The following GRID2 variants were observed in gnomAD, a reference collection of about 807,000 sequenced individuals.
The protein encoded by GRID2 is glutamate receptor ionotropic, delta-2.
GRID2 carries 33 observed loss-of-function variants against 114.8 expected under a neutral mutation model. The observed-to-expected ratio is 0.29, with a 90% CI of 0.22 to 0.38. GRID2 has a LOEUF of 0.38. GRID2 is among the 10% of genes least tolerant of loss of function. GRID2 has a pLI of 1.00. For synonymous variants in GRID2, 505 were observed against 449.9 expected (o/e 1.12, Z -1.55); for missense variants, 1,184 against 1,257.7 (o/e 0.94, Z 0.89).
intron 1 of GRID2, among the ~76,000 whole-genome samples, chr4:92,389,846 A>G (rs905748880): frequency 1.3e-5 from 2 of 152,060 alleles, no homozygotes; most frequent in Non-Finnish European, 2.9e-5. Context: ...TTGCCCCTAT[A>G]TTATTCTAAA....
At chr4:92,772,693 A>C (rs1343228932) in intron 2 of GRID2, among the ~76,000 whole-genome samples, 1 of 152,152 alleles carries the variant, frequency 6.6e-6, no homozygotes, top group African/African-American at 2.4e-5. Flanking sequence ...ATTACTATGT[A>C]GTCAAAGATT....
chr4:93,420,717 A>G lies in GRID2; in HGVS notation c.1348-2054A>G, dbSNP rs59492760. ...AAAAAATATGGAAATTTATTTGTTT[A>G]TTTATTATTTTTACTTATTTATTTA... is the stretch of plus-strand genomic sequence containing the variant. On this transcript the variant is annotated intron_variant, in intron 9 of 15. Transcript: ENST00000282020. Among the ~76,000 whole-genome samples the G allele has an allele frequency of 1.4e-3, 169 of 117,534 alleles. 1 individual carries two copies. Among genetic ancestry groups the G allele is most frequent in the African/African-American group, 5.3e-3 (157 of 29,564 alleles). The allele number at this position is 117,534 out of a possible 152,430, so 77.1% of individuals were successfully genotyped here.
chr4:93,055,002 T>C (rs1433134957), intron 2 of GRID2, among the ~76,000 whole-genome samples: 1 of 151,942 alleles, frequency 6.6e-6, no homozygotes, highest in African/African-American at 2.4e-5. Context: ...GACTATTATC[T>C]AATATTGTGA....
intron 4 of GRID2, among the ~76,000 whole-genome samples, chr4:93,144,224 G>A (rs1289269317): frequency 6.6e-6 from 1 of 152,186 alleles, no homozygotes; most frequent in East Asian, 1.9e-4. Flanking sequence ...TGATGGAGAT[G>A]AAGCTGATGA....
intron 2 of GRID2, among the ~76,000 whole-genome samples, chr4:92,649,471 T>C (rs1013451630): frequency 2.2e-4 from 33 of 151,516 alleles, no homozygotes; most frequent in African/African-American, 6.3e-4. Flanking sequence ...CCCACCCACA[T>C]TGGTGAGGGC....
intron 8 of GRID2, among the ~76,000 whole-genome samples, chr4:93,371,907 C>T (rs555681010): frequency 2.0e-5 from 3 of 151,830 alleles, no homozygotes; most frequent in South Asian, 4.2e-4. Context: ...ACCACCACAC[C>T]CGGCTAATTT....
At chr4:92,802,679 T>C (rs1740233750) in intron 2 of GRID2, among the ~76,000 whole-genome samples, 1 of 151,984 alleles carries the variant, frequency 6.6e-6, no homozygotes, top group African/African-American at 2.4e-5. Flanking sequence ...TGGATCTATT[T>C]GTGGGCTCCC....
intron 14 of GRID2, among the ~76,000 whole-genome samples, chr4:93,713,303 T>G (rs1419251144): frequency 6.6e-6 from 1 of 152,150 alleles, no homozygotes; most frequent in Non-Finnish European, 1.5e-5. Flanking sequence ...GGGCTGTCAG[T>G]TTTTGACATT....
At chr4:92,749,018 G>T (rs1034257815) in intron 2 of GRID2, among the ~76,000 whole-genome samples, 1 of 151,286 alleles carries the variant, frequency 6.6e-6, no homozygotes, top group East Asian at 2.0e-4. Context: ...TTTTGGAGGC[G>T]GAGTCTTGCT....
intron 14 of GRID2, among the ~76,000 whole-genome samples, chr4:93,645,915 A>G (rs1018751856): frequency 5.9e-5 from 9 of 152,172 alleles, no homozygotes; most frequent in African/African-American, 2.2e-4. Context: ...TAGGTGTTCA[A>G]TGAATTTTTG....
At chr4:92,863,108 G>C (rs1408020022) in intron 2 of GRID2, among the ~76,000 whole-genome samples, 1 of 152,046 alleles carries the variant, frequency 6.6e-6, no homozygotes, top group Admixed American at 6.6e-5. Context: ...GCGTTGTGCA[G>C]AACTTTAGAG....
At chr4:93,278,457 G>T (rs1752304229) in intron 8 of GRID2, among the ~76,000 whole-genome samples, 1 of 151,832 alleles carries the variant, frequency 6.6e-6, no homozygotes, top group African/African-American at 2.4e-5. Flanking sequence ...CGGGGTGGAG[G>T]AATGGCTCTT....
At chr4:92,727,258 T>A (rs1337207083) in intron 2 of GRID2, among the ~76,000 whole-genome samples, 6 of 152,042 alleles carry the variant, frequency 3.9e-5, no homozygotes, top group Non-Finnish European at 8.8e-5. Flanking sequence ...TACAAAATGG[T>A]GTTTTAAAGT....
chr4:92,583,092 G>A (rs1226125009), intron 1 of GRID2, among the ~76,000 whole-genome samples: 1 of 151,990 alleles, frequency 6.6e-6, no homozygotes, highest in Non-Finnish European at 1.5e-5. Context: ...AGTGTTTTCA[G>A]AAGATTGCTA....
intron 2 of GRID2, among the ~76,000 whole-genome samples, chr4:92,925,129 C>T (rs886373135): frequency 1.1e-4 from 17 of 151,690 alleles, no homozygotes; most frequent in South Asian, 1.0e-3. Context: ...ACATTATCAG[C>T]AGAAGTCATT....
intron 2 of GRID2, among the ~76,000 whole-genome samples, chr4:92,971,972 T>C (rs1321617443): frequency 2.2e-4 from 34 of 152,170 alleles, no homozygotes; most frequent in Non-Finnish European, 3.4e-4. Context: ...ACATCTTGGC[T>C]ATTGAGAATA....
Position 93,772,168 on chromosome 4 carries a change from G to T in GRID2, c.2694G>T (p.Ser898=), listed in dbSNP as rs759890016. ...GCCCCCATAAACAGTTTTCCACCTCGTCAATTGATTTGACCCCTCTGGACA... is the reference window on the plus strand; with the variant it reads ...GCCCCCATAAACAGTTTTCCACCTCTTCAATTGATTTGACCCCTCTGGACA... ...DDSPHKQFST[S]SIDLTPLDID... Residue 898 remains serine (S), a synonymous_variant, in exon 16 of 16, where the codon TCG becomes TCT. Transcript: ENST00000282020. The T allele has an allele frequency of 2.5e-6, 4 of 1,613,688 alleles. No homozygotes were observed. Among genetic ancestry groups the T allele is most frequent in the Non-Finnish European group, 3.4e-6 (4 of 1,179,706 alleles).
chr4:92,942,116 G>T (rs1395491402), intron 2 of GRID2, among the ~76,000 whole-genome samples: 1 of 152,080 alleles, frequency 6.6e-6, no homozygotes, highest in Non-Finnish European at 1.5e-5. Flanking sequence ...TCAATTCCTG[G>T]ATATCCTTGT....
chr4:93,687,745 A>G (rs1173549981), intron 14 of GRID2, among the ~76,000 whole-genome samples: 1 of 152,076 alleles, frequency 6.6e-6, no homozygotes, highest in African/African-American at 2.4e-5. Context: ...AGAAGAGAAA[A>G]TGGAACTAAT....
Sources: gnomAD v4.1 joint callset for allele counts (sites outside exome capture counted in the v4.1 genomes callset) on GRCh38, gnomAD v4.1.1 for gene constraint, MANE v1.5 for transcripts, NCBI Gene and HGNC (gene_info 2026-07-23, HGNC 2026-07-21) for gene names.